Variants in AKAP13 observed in about 807,000 individuals in gnomAD.
AKAP13 encodes the protein A-kinase anchoring protein 13, also known as A-kinase anchor protein 13.
A neutral mutation model predicts 264.5 loss-of-function variants in AKAP13; 80 were observed. That is an observed-to-expected ratio of 0.30 (90% CI 0.25 to 0.36). AKAP13 has a LOEUF of 0.36. Among genes scored for constraint, AKAP13 ranks in the 10% least tolerant of loss-of-function variants. The probability of loss-of-function intolerance (pLI) is 1.00; values close to 1 mark genes in which losing one functional copy is unlikely to be tolerated. For missense variants in AKAP13, 3,712 were observed against 3,435.2 expected (o/e 1.08, Z -2.01); for synonymous variants, 1,380 against 1,250.2 (o/e 1.10, Z -2.19).
At chr15:85,500,671 TC>T (rs201132883) in intron 2 of AKAP13, among the ~76,000 whole-genome samples, 2,809 of 152,160 alleles carry the variant, frequency 0.018, 32 homozygotes, top group Middle Eastern at 0.031. Context: ...CAGACACATT[TC>T]CCCCCCAGAG....
rs1335062299 is a variant in AKAP13, at chr15:85,580,623, C to G, written c.2555C>G (p.Thr852Ser). The part of the protein sequence containing the change: ...DRAVGLSTSS[T>S]AAELQHGMGN... Reference sequence around the variant, plus strand: ...GCAGTAGGCCTGTCCACATCCTCCACTGCTGCAGAGCTTCAGCACGGGATG... The same window carrying G: ...GCAGTAGGCCTGTCCACATCCTCCAGTGCTGCAGAGCTTCAGCACGGGATG... Residue 852 changes from threonine to serine, a missense_variant, in exon 7 of 37, where the codon ACT becomes AGT. Physicochemically the swap from Thr to Ser is moderately conservative, Grantham distance 58 (BLOSUM62 1). Transcript: ENST00000394518. 1.9e-6 allele frequency: 3 copies of G among 1,614,218 alleles called. No individual in the cohort carries two copies. Among genetic ancestry groups the G allele is most frequent in the Admixed American group, 3.3e-5 (2 of 60,020 alleles).
At chr15:85,505,006 G>A (rs907744617) in intron 2 of AKAP13, among the ~76,000 whole-genome samples, 1 of 152,000 alleles carries the variant, frequency 6.6e-6, no homozygotes, top group African/African-American at 2.4e-5. Flanking sequence ...TTGAAAGCCA[G>A]CACCATCTGA....
rs1233777863 is a variant in AKAP13 at position 85,708,077 on chromosome 15, C to G, written c.5523C>G (p.Val1841=). ...AAAGTCTAGCCTCCTGTGCAAAGGT[C>G]AAAATGAAGGTAAGACTTTCTGGCT... The part of the protein sequence containing the change: ...CRESLASCAK[V]KMKQPKGSLQ... The change falls in exon 18 of 37, where the codon GTC becomes GTG. Residue 1841 remains valine (V), a synonymous_variant. Transcript: ENST00000394518. The surrounding 1 kb of genome is among the most constrained non-coding windows in gnomAD (Gnocchi z 4.3). The G allele has an allele frequency of 3.1e-6, 5 of 1,613,472 alleles. No homozygotes were observed. The highest frequency in any genetic ancestry group is 2.2e-5 in the East Asian group (1 of 44,862).
intron 1 of AKAP13, among the ~76,000 whole-genome samples, chr15:85,446,981 A>C (rs761044517): frequency 1.3e-5 from 2 of 152,038 alleles, no homozygotes; most frequent in African/African-American, 4.8e-5. Flanking sequence ...TAAAATAATA[A>C]ATTTAGGCCG....
chr15:85,619,275 G>A, intron 8 of AKAP13: 2 of 725,168 alleles, frequency 2.8e-6, no homozygotes, highest in Non-Finnish European at 3.4e-6. Context: ...AAGGCTGCGG[G>A]TGCGGAGCTG....
At chr15:85,446,901 T>C (rs75327299) in intron 1 of AKAP13, among the ~76,000 whole-genome samples, 1 of 152,112 alleles carries the variant, frequency 6.6e-6, no homozygotes, top group African/African-American at 2.4e-5. Flanking sequence ...AAGGAAGGAA[T>C]GGGAAAATGG....
chr15:85,429,157 A>G (rs2072922453), intron 1 of AKAP13, among the ~76,000 whole-genome samples: 1 of 152,132 alleles, frequency 6.6e-6, no homozygotes, highest in African/African-American at 2.4e-5. Flanking sequence ...CCTAACTACT[A>G]CCATTTTTCT....
At chr15:85,437,666 T>C (rs1399181883) in intron 1 of AKAP13, among the ~76,000 whole-genome samples, 1 of 152,160 alleles carries the variant, frequency 6.6e-6, no homozygotes, top group Non-Finnish European at 1.5e-5. Flanking sequence ...TGGTTCAATA[T>C]ACGCAAATCA....
intron 8 of AKAP13, chr15:85,620,297 G>T: frequency 1.2e-6 from 1 of 849,606 alleles, no homozygotes; most frequent in Non-Finnish European, 1.8e-6. Flanking sequence ...GCACAGTGGA[G>T]GATGAGGGGT....
intron 5 of AKAP13, among the ~76,000 whole-genome samples, chr15:85,557,145 A>G (rs1345060315): frequency 6.6e-6 from 1 of 152,248 alleles, no homozygotes; most frequent in Non-Finnish European, 1.5e-5. Flanking sequence ...TAATCCACAT[A>G]AATTACTACA....
At chr15:85,546,199 AAAAAT>A (rs1414902745) in intron 5 of AKAP13, among the ~76,000 whole-genome samples, 1 of 152,182 alleles carries the variant, frequency 6.6e-6, no homozygotes, top group Non-Finnish European at 1.5e-5. Context: ...CTCACCACAA[AAAAAT>A]AAGTAGCTGA....
At chr15:85,705,828 G>C (rs377385312) in intron 17 of AKAP13, among the ~76,000 whole-genome samples, 1 of 152,172 alleles carries the variant, frequency 6.6e-6, no homozygotes, top group South Asian at 2.1e-4. Context: ...CAAGGACAAG[G>C]ACTGTCATGA....
intron 1 of AKAP13, among the ~76,000 whole-genome samples, chr15:85,400,819 G>A (rs2071383886): frequency 6.7e-6 from 1 of 150,238 alleles, no homozygotes; most frequent in South Asian, 2.1e-4. Flanking sequence ...CAGAGAAATA[G>A]CTGATTAATC....
At chr15:85,484,380 T>A (rs561214794) in intron 1 of AKAP13, among the ~76,000 whole-genome samples, 25 of 152,344 alleles carry the variant, frequency 1.6e-4, no homozygotes, top group African/African-American at 6.0e-4. Context: ...ACAAAGTCAT[T>A]AAGTGAAGAT....
chr15:85,407,646 G>A (rs1234708126), intron 1 of AKAP13, among the ~76,000 whole-genome samples: 2 of 151,900 alleles, frequency 1.3e-5, no homozygotes, highest in Admixed American at 6.5e-5. Flanking sequence ...AGAAACAGAC[G>A]TCAAAGAGCT....
At chr15:85,415,413 A>G in intron 1 of AKAP13, 3 of 1,607,108 alleles carry the variant, frequency 1.9e-6, no homozygotes, top group African/African-American at 1.3e-5. Context: ...TTTGAAAACA[A>G]CACAGTTTTC....
intron 30 of AKAP13, among the ~76,000 whole-genome samples, chr15:85,732,697 T>C (rs1275452945): frequency 6.7e-6 from 1 of 150,276 alleles, no homozygotes; most frequent in Non-Finnish European, 1.5e-5. Flanking sequence ...ATATATTTAC[T>C]TTCTGGCTTT....
chr15:85,460,747 T>G (rs1220816410), intron 1 of AKAP13, among the ~76,000 whole-genome samples: 1 of 152,160 alleles, frequency 6.6e-6, no homozygotes, highest in Non-Finnish European at 1.5e-5. Context: ...GTCAGATAAA[T>G]TTGACTTTGC....
chr15:85,596,241 ATCT>A (rs2079821086), intron 8 of AKAP13, among the ~76,000 whole-genome samples: 1 of 152,144 alleles, frequency 6.6e-6, no homozygotes, highest in Admixed American at 6.5e-5. Context: ...TATTGTATTG[ATCT>A]TCTTTTTCTG....
Sources: allele counts gnomAD v4.1 joint callset (sites outside exome capture counted in the v4.1 genomes callset), GRCh38; gene constraint gnomAD v4.1.1; non-coding constraint Gnocchi (gnomAD v3.1); transcripts MANE v1.5; gene names NCBI Gene and HGNC (gene_info 2026-07-23, HGNC 2026-07-21).